Variants in TBPL1 observed in about 807,000 individuals in gnomAD.
TBPL1 encodes the protein TATA-box binding protein like 1, also known as TATA box-binding protein-like 1.
In TBPL1, 4 loss-of-function variants were observed where a neutral mutation model predicts 22.1. The observed-to-expected ratio is 0.18, with a 90% confidence interval of 0.09 to 0.41. TBPL1 has a LOEUF of 0.41. Among genes scored for constraint, TBPL1 ranks in the 10% least tolerant of loss-of-function variants. TBPL1 has a pLI of 1.00. For missense variants in TBPL1, 115 were observed against 222.3 expected, an observed-to-expected ratio of 0.52 and a Z score of 3.07; for synonymous variants, 64 against 71.0, an observed-to-expected ratio of 0.90 and a Z score of 0.50.
At position 133,989,041 on chromosome 6, in the gene TBPL1, G is replaced by C. The variant is rs1298596671; in HGVS notation, c.*2001G>C. The C allele has an allele frequency of 6.6e-6, 1 of 152,160 alleles. No homozygotes were observed. Among genetic ancestry groups the C allele is most frequent in the East Asian group, 1.9e-4 (1 of 5,192 alleles). The allele number at this position is 152,160 out of a possible 1,614,324, so 9.4% of individuals were successfully genotyped here. A position where few individuals can be genotyped will look rare whatever the true frequency, so the allele number is the denominator to read the frequency against. ...AATCGAAGTGCTTTATCTGAAGGGA[G>C]AGGGTAAAGACAGTGTGACCAGGTT... On this transcript the variant is annotated 3_prime_UTR_variant, in exon 7 of 7. Coordinates refer to ENST00000237264, the MANE Select transcript of TBPL1 (RefSeq NM_004865.4).
At chr6:133,976,967 CAAAAAAA>C (rs537206851) in intron 1 of TBPL1, among the ~76,000 whole-genome samples, 6 of 62,176 alleles carry the variant, frequency 9.7e-5, no homozygotes, top group Non-Finnish European at 6.8e-5. Context: ...GACTTGGTCT[CAAAAAAA>C]AAAAAAAAGA....
intron 1 of TBPL1, among the ~76,000 whole-genome samples, chr6:133,979,195 A>T (rs543077152): frequency 4.6e-5 from 7 of 152,122 alleles, no homozygotes; most frequent in Non-Finnish European, 8.8e-5. Flanking sequence ...TGCCTTAATC[A>T]TTTTTTTCCC....
intron 1 of TBPL1, among the ~76,000 whole-genome samples, chr6:133,955,081 G>C (rs1313597959): frequency 6.6e-6 from 1 of 151,902 alleles, no homozygotes; most frequent in African/African-American, 2.4e-5. Context: ...AAAGACTGTT[G>C]CTTAATCTTT....
At chr6:133,961,465 CTTTT>C (rs61695774) in intron 1 of TBPL1, among the ~76,000 whole-genome samples, 2 of 100,200 alleles carry the variant, frequency 2.0e-5, no homozygotes. Flanking sequence ...TTCTTTCTTT[CTTTT>C]TTTTTTTTTT....
At chr6:133,954,438 C>T (rs1775892430) in intron 1 of TBPL1, among the ~76,000 whole-genome samples, 6 of 152,218 alleles carry the variant, frequency 3.9e-5, no homozygotes, top group Admixed American at 3.9e-4. Context: ...GCAGTTCCTT[C>T]CTATTGAGAA....
chr6:133,972,304 A>G (rs185227813), intron 1 of TBPL1, among the ~76,000 whole-genome samples: 8 of 152,350 alleles, frequency 5.3e-5, no homozygotes, highest in Admixed American at 2.6e-4. Context: ...GATCCACTCA[A>G]ATCACTCAAA....
chr6:133,977,044 AAAGGGATAT>A (rs1452621030), intron 1 of TBPL1, among the ~76,000 whole-genome samples: 1 of 152,132 alleles, frequency 6.6e-6, no homozygotes, highest in Admixed American at 6.6e-5. Context: ...ATCCTATTGA[AAAGGGATAT>A]AATATGTTTA....
chr6:133,960,740 A>G lies in TBPL1; in HGVS notation c.-45+7315A>G, dbSNP rs1225265468. On this transcript the variant is annotated intron_variant, in intron 1 of 6. Coordinates refer to ENST00000237264, the MANE Select transcript of TBPL1 (RefSeq NM_004865.4). ...GTTTAACTTTAACTGAATGGTTGAT[A>G]TCTTGGAAGTGACTGACAGGGTGGC... 3.3e-5 allele frequency among the ~76,000 whole-genome samples: 5 copies of G among 152,336 alleles called. No homozygotes were observed. The East Asian group carries it at 7.7e-4, about 24-fold the overall frequency.
chr6:133,961,387 C>T (rs1776019424), intron 1 of TBPL1, among the ~76,000 whole-genome samples: 1 of 151,942 alleles, frequency 6.6e-6, no homozygotes, highest in Non-Finnish European at 1.5e-5. Flanking sequence ...TGCCCTCTGC[C>T]GGGTTGCTCT....
intron 1 of TBPL1, among the ~76,000 whole-genome samples, chr6:133,962,207 G>C (rs1776037006): frequency 6.6e-6 from 1 of 152,128 alleles, no homozygotes; most frequent in South Asian, 2.1e-4. Context: ...GCATTCCAAG[G>C]CAAGCAGATG....
chr6:133,976,484 C>T (rs545965671), intron 1 of TBPL1, among the ~76,000 whole-genome samples: 2 of 152,166 alleles, frequency 1.3e-5, no homozygotes, highest in Admixed American at 6.5e-5. Flanking sequence ...ATATTTGTTC[C>T]CTTCTGGGAA....
chr6:133,976,926 T>G (rs562247086), intron 1 of TBPL1, among the ~76,000 whole-genome samples: 132 of 145,014 alleles, frequency 9.1e-4, no homozygotes, highest in African/African-American at 3.2e-3. Context: ...CAAGATCGCG[T>G]CACAGCCCTC....
At chr6:133,958,764 G>A (rs1389499976) in intron 1 of TBPL1, among the ~76,000 whole-genome samples, 1 of 151,974 alleles carries the variant, frequency 6.6e-6, no homozygotes, top group Non-Finnish European at 1.5e-5. Context: ...ATATACTATA[G>A]AGGTTTATAT....
intron 4 of TBPL1, among the ~76,000 whole-genome samples, chr6:133,983,496 C>G (rs544029884): frequency 7.2e-5 from 11 of 152,200 alleles, no homozygotes; most frequent in Non-Finnish European, 1.5e-4. Context: ...ACCTTTCCCT[C>G]TGATGACTCA....
Position 133,989,320 on chromosome 6 carries a change from A to C in TBPL1, c.*2280A>C, listed in dbSNP as rs894269135. ...ATATTGGATAAAAATTTGAAGACAA[A>C]ATTGTTTAGTTACAGACTCAGGATA... On this transcript the variant is annotated 3_prime_UTR_variant, in exon 7 of 7. Transcript: ENST00000237264. 8 of 152,142 alleles carry C rather than the reference A, an allele frequency of 5.3e-5. No homozygotes were observed. The highest frequency in any genetic ancestry group is 1.9e-4 in the African/African-American group (8 of 41,446). 9.4% of individuals were successfully genotyped at this position (152,142 alleles called of 1,614,324 possible).
intron 2 of TBPL1, among the ~76,000 whole-genome samples, chr6:133,980,877 G>A (rs1331443321): frequency 2.0e-5 from 3 of 150,544 alleles, no homozygotes; most frequent in East Asian, 3.9e-4. Context: ...CATTTGTTAT[G>A]AAAATTAAGA....
At chr6:133,960,418 CTTT>C (rs765884620) in intron 1 of TBPL1, among the ~76,000 whole-genome samples, 1 of 131,588 alleles carries the variant, frequency 7.6e-6, no homozygotes, top group Non-Finnish European at 1.6e-5. Flanking sequence ...GCTGACCAGC[CTTT>C]TTTTTTTTTT....
intron 1 of TBPL1, among the ~76,000 whole-genome samples, chr6:133,975,883 G>A (rs1776304430): frequency 6.6e-6 from 1 of 152,142 alleles, no homozygotes; most frequent in Admixed American, 6.5e-5. Flanking sequence ...GTACGTAGAT[G>A]TTCATTGTGT....
At chr6:133,968,029 A>G (rs554172338) in intron 1 of TBPL1, among the ~76,000 whole-genome samples, 2 of 140,112 alleles carry the variant, frequency 1.4e-5, no homozygotes, top group Middle Eastern at 3.8e-3. Flanking sequence ...TTTTTTTTTG[A>G]GACAGAGTCT....
Sources: allele counts gnomAD v4.1 joint callset (sites outside exome capture counted in the v4.1 genomes callset), GRCh38; gene constraint gnomAD v4.1.1; transcripts MANE v1.5; gene names NCBI Gene and HGNC (gene_info 2026-07-23, HGNC 2026-07-21).